CUX1: variants seen among roughly 807,000 people sequenced by gnomAD.
CUX1 encodes cut like homeobox 1, also known as protein CASP.
Under a neutral mutation model 158.8 loss-of-function variants are expected in CUX1, and 31 were observed. The observed-to-expected ratio is 0.20, with a 90% CI of 0.15 to 0.26. The LOEUF is 0.26. Among genes scored for constraint, CUX1 ranks in the 10% least tolerant of loss-of-function variants. The probability of loss-of-function intolerance (pLI) is 1.00; values close to 1 mark genes in which losing one functional copy is unlikely to be tolerated. For synonymous variants in CUX1, 879 were observed against 862.1 expected, an observed-to-expected ratio of 1.02 and a Z score of -0.34; for missense variants, 1,589 against 2,014.6, an observed-to-expected ratio of 0.79 and a Z score of 4.04.
At chr7:101,908,275 G>C (rs751061333) in intron 1 of CUX1, among the ~76,000 whole-genome samples, 2 of 152,306 alleles carry the variant, frequency 1.3e-5, no homozygotes, top group Non-Finnish European at 2.9e-5. Flanking sequence ...AGGCTCACAG[G>C]ATGGCACTTT....
At chr7:102,264,260 C>G (rs1554544650) in intron 14 of CUX1, among the ~76,000 whole-genome samples, 2 of 152,152 alleles carry the variant, frequency 1.3e-5, no homozygotes, top group Non-Finnish European at 2.9e-5. Context: ...CCCGCCTCGG[C>G]CTCCCAAAGT....
Position 102,132,853 on chromosome 7 carries a change from G to T in CUX1, c.674+17580G>T, listed in dbSNP as rs1292101606. On this transcript the variant is annotated intron_variant, in intron 8 of 23. Transcript: ENST00000292535. Reference sequence around the variant, plus strand: ...CACCTGGCTAATTTTTGTATTTTTAGTAGTGACAGGGTTCACCATGTTGGC... The same window carrying T: ...CACCTGGCTAATTTTTGTATTTTTATTAGTGACAGGGTTCACCATGTTGGC... Among the ~76,000 whole-genome samples the T allele has an allele frequency of 5.3e-5, 8 of 151,862 alleles. No homozygotes were observed. In the East Asian group the frequency reaches 1.6e-3, roughly 29 times the overall value.
chr7:101,850,481 G>A (rs891133283), intron 1 of CUX1, among the ~76,000 whole-genome samples: 28 of 136,574 alleles, frequency 2.1e-4, no homozygotes, highest in African/African-American at 7.6e-4. Context: ...TGGAATTGCC[G>A]TGGTGCGATC....
chr7:101,949,232 C>T (rs995634450), intron 2 of CUX1, among the ~76,000 whole-genome samples: 3 of 150,368 alleles, frequency 2.0e-5, no homozygotes, highest in East Asian at 2.0e-4. Context: ...CCTGGGTTCA[C>T]GCCATTCTCC....
At chr7:101,984,922 G>A (rs896103566) in intron 2 of CUX1, among the ~76,000 whole-genome samples, 2 of 152,028 alleles carry the variant, frequency 1.3e-5, no homozygotes, top group Non-Finnish European at 2.9e-5. Context: ...GTTTTAAAAC[G>A]TCTGAGAATT....
intron 9 of CUX1, among the ~76,000 whole-genome samples, chr7:102,160,558 A>G (rs961825854): frequency 6.6e-6 from 1 of 152,198 alleles, no homozygotes; most frequent in Non-Finnish European, 1.5e-5. Flanking sequence ...ACACGGGTTC[A>G]GTTCCTAACT....
intron 18 of CUX1, chr7:102,278,177 C>T (rs1227138789): frequency 4.1e-5 from 27 of 656,646 alleles, no homozygotes; most frequent in Non-Finnish European, 3.8e-5. Flanking sequence ...CAGCACTGGG[C>T]CCCAGAGACC....
chr7:101,851,891 C>T (rs1796300892), intron 1 of CUX1, among the ~76,000 whole-genome samples: 1 of 151,232 alleles, frequency 6.6e-6, no homozygotes, highest in African/African-American at 2.4e-5. Flanking sequence ...TGTGGTGGCA[C>T]CATCATGGCT....
chr7:101,856,161 T>TGACAG (rs1374525693), intron 1 of CUX1, among the ~76,000 whole-genome samples: 2 of 118,948 alleles, frequency 1.7e-5, no homozygotes, highest in African/African-American at 6.9e-5. Context: ...CCAGTCTGGG[T>TGACAG]GACAGAGTGA....
intron 12 of CUX1, among the ~76,000 whole-genome samples, chr7:102,190,325 C>T (rs942944028): frequency 1.3e-5 from 2 of 152,164 alleles, no homozygotes; most frequent in African/African-American, 4.8e-5. Context: ...AGGCTGTAGC[C>T]GAAAGCTTAT....
intron 20 of CUX1, among the ~76,000 whole-genome samples, chr7:102,214,739 G>A (rs1796881773): frequency 1.3e-5 from 2 of 152,236 alleles, no homozygotes; most frequent in African/African-American, 4.8e-5. Flanking sequence ...TGAGGATAAG[G>A]AGGGGAGTTT....
At chr7:101,935,473 G>T (rs553530684) in intron 2 of CUX1, among the ~76,000 whole-genome samples, 1 of 152,192 alleles carries the variant, frequency 6.6e-6, no homozygotes, top group Non-Finnish European at 1.5e-5. Flanking sequence ...GCCTGGCTCC[G>T]TCCACGCTTT....
intron 2 of CUX1, among the ~76,000 whole-genome samples, chr7:102,026,366 T>C (rs1341556502): frequency 6.6e-6 from 1 of 152,218 alleles, no homozygotes; most frequent in Non-Finnish European, 1.5e-5. Flanking sequence ...TATATTTAAA[T>C]ATAAATAAGC....
Position 102,060,580 on chromosome 7 carries a change from CATATATATAT to C in CUX1, c.190-9755_190-9746del, listed in dbSNP as rs1041452973. Among the ~76,000 whole-genome samples the C allele has an allele frequency of 2.5e-5, 3 of 119,246 alleles. 1 individual carries two copies. Among genetic ancestry groups the C allele is most frequent in the African/African-American group, 8.9e-5 (3 of 33,830 alleles). The allele number at this position is 119,246 out of a possible 152,430, so 78.2% of individuals were successfully genotyped here. ...ATATATATACACACACACATATATACATATATATATATACACACACACAAATAAACACACA... is the reference window on the plus strand; with the variant it reads ...ATATATATACACACACACATATATACATACACACACACAAATAAACACACA... On this transcript the variant is annotated intron_variant, in intron 3 of 23. Coordinates refer to ENST00000292535, the MANE Select transcript of CUX1 (RefSeq NM_181552.4).
intron 1 of CUX1, among the ~76,000 whole-genome samples, chr7:101,822,841 C>T (rs1792822123): frequency 6.7e-6 from 1 of 149,702 alleles, no homozygotes; most frequent in African/African-American, 2.5e-5. Context: ...GTGGAGGTTG[C>T]AGTGAGCTGA....
At chr7:101,965,900 G>C (rs1383278075) in intron 2 of CUX1, among the ~76,000 whole-genome samples, 1 of 146,476 alleles carries the variant, frequency 6.8e-6, no homozygotes, top group Non-Finnish European at 1.5e-5. Flanking sequence ...GAAAGAGGTT[G>C]AAGAGATAGC....
At chr7:102,199,465 A>G (rs1418606621) in intron 16 of CUX1, among the ~76,000 whole-genome samples, 4 of 152,266 alleles carry the variant, frequency 2.6e-5, no homozygotes, top group Non-Finnish European at 5.9e-5. Context: ...TGCCTGCACA[A>G]AACATCACCA....
chr7:102,189,925 C>A, intron 12 of CUX1, 54 bp downstream of exon 12: 3 of 1,586,898 alleles, frequency 1.9e-6, no homozygotes, highest in Non-Finnish European at 2.6e-6. Flanking sequence ...TTAGGGCCAT[C>A]TGCTAACAAT....
chr7:102,098,576 A>T (rs1455903800), intron 5 of CUX1, among the ~76,000 whole-genome samples: 1 of 151,968 alleles, frequency 6.6e-6, no homozygotes, highest in Non-Finnish European at 1.5e-5. Flanking sequence ...GTGACACTGC[A>T]CTCAGTCTGA....
Sources: allele counts gnomAD v4.1 joint callset (sites outside exome capture counted in the v4.1 genomes callset), GRCh38; gene constraint gnomAD v4.1.1; transcripts MANE v1.5; gene names NCBI Gene and HGNC (gene_info 2026-07-23, HGNC 2026-07-21).